LYPD6: variants seen among roughly 807,000 people sequenced by gnomAD.
The protein encoded by LYPD6 is LY6/PLAUR domain containing 6.
Under a neutral mutation model 22.7 loss-of-function variants are expected in LYPD6, and 15 were observed. The ratio of observed to expected loss-of-function variants is 0.66; its 90% CI spans 0.44 to 1.02. LYPD6 has a LOEUF of 1.02. Among genes scored for constraint, LYPD6 ranks in the 50% least tolerant of loss-of-function variants. The pLI is 0.00. For missense variants in LYPD6, 189 were observed against 208.4 expected (o/e 0.91, Z 0.57); for synonymous variants, 72 against 77.5 (o/e 0.93, Z 0.37).
chr2:149,334,778 G>T (rs553233433), intron 1 of LYPD6, among the ~76,000 whole-genome samples: 32 of 149,500 alleles, frequency 2.1e-4, no homozygotes, highest in Admixed American at 2.0e-4. Context: ...TTTTTCTGAA[G>T]AAGGGGGATT....
intron 1 of LYPD6, among the ~76,000 whole-genome samples, chr2:149,413,170 G>A (rs1166873322): frequency 1.3e-5 from 2 of 152,076 alleles, no homozygotes; most frequent in Admixed American, 1.3e-4. Context: ...AGGATATTTG[G>A]GAGTCCCGAA....
chr2:149,356,978 A>T (rs554492946), intron 1 of LYPD6, among the ~76,000 whole-genome samples: 2 of 152,218 alleles, frequency 1.3e-5, no homozygotes, highest in Admixed American at 1.3e-4. Context: ...CCATTTTAAC[A>T]TGCAACTCTT....
intron 1 of LYPD6, among the ~76,000 whole-genome samples, chr2:149,346,259 TA>T (rs34614093): frequency 0.2 from 30,179 of 152,100 alleles, 3,663 homozygotes; most frequent in East Asian, 0.57. Context: ...TTTTTCTATT[TA>T]AAAAAATGCA....
chr2:149,458,546 C>A (rs975152422), intron 3 of LYPD6, among the ~76,000 whole-genome samples: 4 of 152,008 alleles, frequency 2.6e-5, no homozygotes, highest in African/African-American at 7.2e-5. Flanking sequence ...ATAAAAAAAA[C>A]CACTTGTCAT....
downstream of LYPD6, among the ~76,000 whole-genome samples, chr2:149,476,913 C>T (rs147199267): frequency 2.2e-4 from 34 of 152,288 alleles, no homozygotes; most frequent in African/African-American, 6.5e-4. Flanking sequence ...CTGTGAACAA[C>T]GAGCAACCCA....
chr2:149,407,062 C>G (rs974348341), intron 1 of LYPD6, among the ~76,000 whole-genome samples: 2 of 152,114 alleles, frequency 1.3e-5, no homozygotes, highest in African/African-American at 4.8e-5. Context: ...ATATTGGCCC[C>G]CACTCTCTTC....
chr2:149,377,974 A>G (rs1426282205), intron 1 of LYPD6, among the ~76,000 whole-genome samples: 3 of 152,048 alleles, frequency 2.0e-5, no homozygotes. Flanking sequence ...GGGATCCAGT[A>G]ATGAGACATA....
intron 1 of LYPD6, among the ~76,000 whole-genome samples, chr2:149,376,142 C>T (rs868562381): frequency 1.3e-5 from 2 of 152,070 alleles, no homozygotes; most frequent in African/African-American, 4.8e-5. Context: ...AGTGTCAGCC[C>T]GGGATGTGTG....
rs567271397 is a variant in LYPD6 at position 149,383,635 on chromosome 2, G to A, written c.-72+52913G>A. 3.3e-5 allele frequency among the ~76,000 whole-genome samples: 5 copies of A among 152,290 alleles called. No homozygotes were observed. The East Asian group carries it at 7.7e-4, about 23-fold the overall frequency. On this transcript the variant is annotated intron_variant, in intron 1 of 4. Coordinates refer to ENST00000334166, the MANE Select transcript of LYPD6 (RefSeq NM_194317.5). ...GTCATTATGGGTCAAAGCCTTCCAT[G>A]TACTGTGTAAAAACCATAGAAAGAA...
At chr2:149,463,111 G>A (rs139285776) in intron 3 of LYPD6, among the ~76,000 whole-genome samples, 12 of 152,180 alleles carry the variant, frequency 7.9e-5, no homozygotes, top group Non-Finnish European at 1.5e-4. Context: ...TGCAAGCTAT[G>A]AAATGGGAAA....
chr2:149,414,761 G>A (rs1232211761), intron 1 of LYPD6, among the ~76,000 whole-genome samples: 2 of 152,134 alleles, frequency 1.3e-5, no homozygotes, highest in Non-Finnish European at 2.9e-5. Flanking sequence ...TGAACTGAAA[G>A]GACAAAATCC....
intron 1 of LYPD6, among the ~76,000 whole-genome samples, chr2:149,332,793 A>G (rs984177841): frequency 3.9e-5 from 6 of 152,348 alleles, no homozygotes; most frequent in African/African-American, 1.2e-4. Flanking sequence ...TGTCTGCTCA[A>G]TATCATTTAG....
chr2:149,456,431 A>G (rs373315081), intron 3 of LYPD6, among the ~76,000 whole-genome samples: 2 of 152,282 alleles, frequency 1.3e-5, no homozygotes, highest in African/African-American at 4.8e-5. Flanking sequence ...CCTACCACCA[A>G]GGGTCGCTGT....
chr2:149,456,018 T>C (rs1459916174), intron 3 of LYPD6, among the ~76,000 whole-genome samples: 2 of 152,234 alleles, frequency 1.3e-5, no homozygotes, highest in African/African-American at 4.8e-5. Context: ...TATTTGTTTT[T>C]AATTTCTGCC....
intron 1 of LYPD6, among the ~76,000 whole-genome samples, chr2:149,391,201 G>A (rs16826936): frequency 0.013 from 1,917 of 152,208 alleles, 49 homozygotes; most frequent in African/African-American, 0.044. Flanking sequence ...TCTGCCAGAC[G>A]CTGACATGGT....
At chr2:149,361,274 A>G (rs1167764213) in intron 1 of LYPD6, among the ~76,000 whole-genome samples, 4 of 152,222 alleles carry the variant, frequency 2.6e-5, no homozygotes, top group Non-Finnish European at 5.9e-5. Context: ...TGCCTTCTCC[A>G]TTAATACAAG....
At chr2:149,423,571 G>A (rs1683128040) in intron 1 of LYPD6, among the ~76,000 whole-genome samples, 2 of 152,180 alleles carry the variant, frequency 1.3e-5, no homozygotes, top group South Asian at 4.2e-4. Flanking sequence ...AGCCAGGGTG[G>A]CAGGAAAACG....
chr2:149,386,872 A>G (rs1407133240), intron 1 of LYPD6, among the ~76,000 whole-genome samples: 1 of 152,196 alleles, frequency 6.6e-6, no homozygotes, highest in African/African-American at 2.4e-5. Context: ...GAGAACATGG[A>G]AAGAGTTTTA....
At chr2:149,369,060 C>T (rs771928566) in intron 1 of LYPD6, among the ~76,000 whole-genome samples, 6 of 151,858 alleles carry the variant, frequency 4.0e-5, no homozygotes, top group Non-Finnish European at 8.8e-5. Flanking sequence ...AGGAGACCAC[C>T]AGGGGAGAGT....
Sources: allele counts gnomAD v4.1 joint callset (sites outside exome capture counted in the v4.1 genomes callset), GRCh38; gene constraint gnomAD v4.1.1; transcripts MANE v1.5; gene names NCBI Gene and HGNC (gene_info 2026-07-23, HGNC 2026-07-21).